Variants in GPD1L observed in about 807,000 individuals in gnomAD.
GPD1L encodes glycerol-3-phosphate dehydrogenase 1 like, also known as glycerol-3-phosphate dehydrogenase 1-like protein.
In GPD1L, 17 loss-of-function variants were observed where a neutral mutation model predicts 32.9. The observed-to-expected ratio is 0.52, with a 90% CI of 0.35 to 0.78. The LOEUF is 0.78. GPD1L is among the 30% of genes least tolerant of loss of function. The pLI is 0.01. For synonymous variants in GPD1L, 187 were observed against 165.9 expected, an observed-to-expected ratio of 1.13 and a Z score of -0.98; for missense variants, 361 against 447.8, an observed-to-expected ratio of 0.81 and a Z score of 1.75.
At chr3:32,151,186 T>C (rs1170341113) in intron 5 of GPD1L, 4 of 591,526 alleles carry the variant, frequency 6.8e-6, no homozygotes, top group Non-Finnish European at 6.5e-6. Context: ...TACTTCAGTC[T>C]AATCCAGGTA....
intron 2 of GPD1L, among the ~76,000 whole-genome samples, chr3:32,135,040 A>T (rs1377316588): frequency 6.6e-6 from 1 of 152,232 alleles, no homozygotes; most frequent in Non-Finnish European, 1.5e-5. Context: ...GCCAGAGGTC[A>T]CACAGCTGGT....
At chr3:32,125,798 C>T (rs549473916) in intron 1 of GPD1L, among the ~76,000 whole-genome samples, 31 of 150,552 alleles carry the variant, frequency 2.1e-4, no homozygotes, top group Non-Finnish European at 3.4e-4. Flanking sequence ...CAATGCATTA[C>T]GCATAGTAGG....
rs145655991 is a variant in GPD1L, at chr3:32,107,348, A to C, written c.47+590A>C. Among the ~76,000 whole-genome samples, 487 of 152,270 alleles carry C rather than the reference A, an allele frequency of 3.2e-3. 3 individuals carry two copies. The highest frequency in any genetic ancestry group is 4.7e-3 in the Admixed American group (72 of 15,306). On this transcript the variant is annotated intron_variant, in intron 1 of 7. Transcript: ENST00000282541. ...GGCCGCTCTCCCTGAGGCGTTGAGA[A>C]TTCTCCCTTGCCGAGATGTTTGCGA...
In GPD1L at chr3:32,158,652, C is replaced by A. The variant is rs115605251; in HGVS notation, c.619-224C>A. 4,976 of 954,756 alleles carry A rather than the reference C, an allele frequency of 5.2e-3. 155 individuals carry two copies. In the African/African-American group the frequency reaches 0.073, roughly 14 times the overall value. 59.1% of individuals were successfully genotyped at this position (954,756 alleles called of 1,614,324 possible). A position where few individuals can be genotyped will look rare whatever the true frequency, so the allele number is the denominator to read the frequency against. ...TCCAATGCTCTTCAACTGCTGACCC[C>A]AAATATGGGCTCTTTGTCCTAGAAA... On this transcript the variant is annotated intron_variant, in intron 5 of 7. Transcript: ENST00000282541.
intron 1 of GPD1L, among the ~76,000 whole-genome samples, chr3:32,123,579 A>AC (rs890363988): frequency 8.0e-5 from 12 of 150,516 alleles, no homozygotes; most frequent in African/African-American, 2.5e-4. Context: ...AGATTACCTG[A>AC]CCCCCCCATC....
chr3:32,118,027 T>C (rs1700356395), intron 1 of GPD1L, among the ~76,000 whole-genome samples: 1 of 152,160 alleles, frequency 6.6e-6, no homozygotes, highest in East Asian at 1.9e-4. Flanking sequence ...ACTTGGCTGC[T>C]CTGAAAACAT....
chr3:32,113,251 T>G (rs925330223), intron 1 of GPD1L, among the ~76,000 whole-genome samples: 1 of 56,404 alleles, frequency 1.8e-5, no homozygotes, highest in Non-Finnish European at 2.9e-5. Context: ...GAAAAAATCT[T>G]ATCTTTTTTT....
intron 2 of GPD1L, among the ~76,000 whole-genome samples, chr3:32,134,121 T>C (rs1700626205): frequency 6.6e-6 from 1 of 152,180 alleles, no homozygotes; most frequent in African/African-American, 2.4e-5. Flanking sequence ...ACAAAATCAG[T>C]CACCATTTCC....
rs1701164369 is a variant in GPD1L at position 32,167,451 on chromosome 3, T to C, written c.*1541T>C. ...GGATGAATAACTACCTGTGGCATTG[T>C]TGGTTCTGAACTTTTACAGTTCAGG... On this transcript the variant is annotated 3_prime_UTR_variant, in exon 8 of 8. Coordinates refer to ENST00000282541, the MANE Select transcript of GPD1L (RefSeq NM_015141.4). 2 of 152,680 alleles carry C rather than the reference T, an allele frequency of 1.3e-5. No individual in the cohort carries two copies. Among genetic ancestry groups the C allele is most frequent in the Non-Finnish European group, 2.9e-5 (2 of 68,046 alleles). The allele number at this position is 152,680 out of a possible 1,614,324, so 9.5% of individuals were successfully genotyped here.
chr3:32,133,185 G>A (rs918526018), intron 2 of GPD1L, among the ~76,000 whole-genome samples: 3 of 152,134 alleles, frequency 2.0e-5, no homozygotes, highest in African/African-American at 7.2e-5. Flanking sequence ...CACGGCAGCT[G>A]GACCGTTGTT....
chr3:32,115,707 A>G (rs906874880), intron 1 of GPD1L, among the ~76,000 whole-genome samples: 5 of 143,194 alleles, frequency 3.5e-5, no homozygotes, highest in African/African-American at 1.3e-4. Flanking sequence ...TAGCTACCTC[A>G]GCTTGATGGA....
intron 1 of GPD1L, among the ~76,000 whole-genome samples, chr3:32,116,014 T>C (rs955405871): frequency 6.6e-6 from 1 of 152,038 alleles, no homozygotes; most frequent in African/African-American, 2.4e-5. Context: ...GGTCTCGATC[T>C]CCTGACCTCG....
rs1328148883 is a variant in GPD1L at position 32,106,916 on chromosome 3, C to T, written c.47+158C>T. 3 of 559,930 alleles carry T rather than the reference C, an allele frequency of 5.4e-6. No homozygotes were observed. Among genetic ancestry groups the T allele is most frequent in the Non-Finnish European group, 8.0e-6 (3 of 374,008 alleles). The allele number at this position is 559,930 out of a possible 1,614,324, so 34.7% of individuals were successfully genotyped here. On this transcript the variant is annotated intron_variant, in intron 1 of 7. Transcript: ENST00000282541. This position sits in a 1 kb window ranked among gnomAD's most constrained non-coding sequence, Gnocchi z 4.0. ...GTTGCTGGGCTGGGCACCGTGCGCCCGAGGAGGCCGCACCGGGGCACTCGC... is the reference window on the plus strand; with the variant it reads ...GTTGCTGGGCTGGGCACCGTGCGCCTGAGGAGGCCGCACCGGGGCACTCGC...
chr3:32,164,084 A>G (rs1210703263), intron 7 of GPD1L, among the ~76,000 whole-genome samples: 3 of 152,190 alleles, frequency 2.0e-5, no homozygotes, highest in Non-Finnish European at 4.4e-5. Context: ...TTCAGCAGAT[A>G]TATTATGTCT....
intron 5 of GPD1L, among the ~76,000 whole-genome samples, chr3:32,147,587 C>A (rs988242777): frequency 6.6e-6 from 1 of 152,090 alleles, no homozygotes; most frequent in African/African-American, 2.4e-5. Flanking sequence ...ATCTAAGTTG[C>A]CTTTATTTCA....
At chr3:32,121,931 C>T (rs190201194) in intron 1 of GPD1L, among the ~76,000 whole-genome samples, 86 of 151,754 alleles carry the variant, frequency 5.7e-4, no homozygotes, top group Non-Finnish European at 1.0e-3. Flanking sequence ...CCACCACGCC[C>T]GGCTAATTTT....
chr3:32,114,341 C>T (rs149892398), intron 1 of GPD1L, among the ~76,000 whole-genome samples: 93 of 152,340 alleles, frequency 6.1e-4, no homozygotes, highest in African/African-American at 2.1e-3. Flanking sequence ...TTAATAGGCA[C>T]TTTTCAAGCT....
At chr3:32,122,044 C>T (rs1700431275) in intron 1 of GPD1L, among the ~76,000 whole-genome samples, 1 of 152,108 alleles carries the variant, frequency 6.6e-6, no homozygotes, top group Non-Finnish European at 1.5e-5. Flanking sequence ...GCTGGGATTA[C>T]AGGCGTGAGC....
At chr3:32,142,453 G>C (rs1287735009) in intron 4 of GPD1L, among the ~76,000 whole-genome samples, 3 of 152,070 alleles carry the variant, frequency 2.0e-5, no homozygotes, top group Admixed American at 1.3e-4. Context: ...ACTATTAGCA[G>C]TTTCTAAATA....
Sources: gnomAD v4.1 joint callset for allele counts (sites outside exome capture counted in the v4.1 genomes callset) on GRCh38, gnomAD v4.1.1 for gene constraint, Gnocchi (gnomAD v3.1) non-coding constraint, MANE v1.5 for transcripts, NCBI Gene and HGNC (gene_info 2026-07-23, HGNC 2026-07-21) for gene names.